MEGF10: variants seen among roughly 807,000 people sequenced by gnomAD.
MEGF10 encodes multiple EGF like domains 10, also known as multiple epidermal growth factor-like domains protein 10.
A neutral mutation model predicts 147.5 loss-of-function variants in MEGF10; 86 were observed. The ratio of observed to expected loss-of-function variants is 0.58; its 90% confidence interval spans 0.49 to 0.70. The LOEUF is 0.70. MEGF10 is among the 30% of genes least tolerant of loss of function. The pLI is 0.00. For missense variants in MEGF10, 1,329 were observed against 1,487.3 expected (o/e 0.89, Z 1.75); for synonymous variants, 478 against 525.5 (o/e 0.91, Z 1.24).
rs1764678355 is a variant in MEGF10 at position 127,414,356 on chromosome 5, A to T, written c.1131-3282A>T. 2.0e-5 allele frequency among the ~76,000 whole-genome samples: 3 copies of T among 151,974 alleles called. No homozygotes were observed. In the South Asian group the frequency reaches 6.2e-4, roughly 32 times the overall value. The stretch of plus-strand genomic sequence containing the variant: ...AGGCCTCTATTTTCTCATTTATAAA[A>T]TGGGATCATACCATCTAGGATGGCT... On this transcript the variant is annotated intron_variant, in intron 9 of 24. Transcript: ENST00000503335.
Position 127,443,186 on chromosome 5 carries a change from C to A in MEGF10, c.2491+60C>A, listed in dbSNP as rs902011450. ...TATTGTGTGAACACCATGTACCAGG[C>A]AATGTGAAGTATTTTCACTTATGTT... is the stretch of plus-strand genomic sequence containing the variant. On this transcript the variant is annotated intron_variant, in intron 19 of 24. Transcript: ENST00000503335. 21 of 1,478,726 alleles carry A rather than the reference C, an allele frequency of 1.4e-5. 1 individual carries two copies. In the African/African-American group the frequency reaches 2.4e-4, roughly 17 times the overall value. 91.6% of individuals were successfully genotyped at this position (1,478,726 alleles called of 1,614,324 possible).
At chr5:127,368,543 G>GT (rs1554094850) in intron 4 of MEGF10, among the ~76,000 whole-genome samples, 1 of 151,988 alleles carries the variant, frequency 6.6e-6, no homozygotes, top group Non-Finnish European at 1.5e-5. Flanking sequence ...GTTTTTCAGG[G>GT]TCTCTCTCTC....
intron 2 of MEGF10, among the ~76,000 whole-genome samples, chr5:127,334,611 C>T (rs182853774): frequency 2.8e-4 from 42 of 152,202 alleles, no homozygotes; most frequent in African/African-American, 9.9e-4. Flanking sequence ...ATTTAAAATA[C>T]TCAAGGGGTG....
At chr5:127,428,238 T>C (rs752318028) in intron 13 of MEGF10, among the ~76,000 whole-genome samples, 4 of 150,340 alleles carry the variant, frequency 2.7e-5, no homozygotes, top group Admixed American at 1.3e-4. Flanking sequence ...TGTTGAACTA[T>C]ATAAAGCAGA....
At chr5:127,311,620 C>T (rs1355966697) in intron 1 of MEGF10, among the ~76,000 whole-genome samples, 1 of 152,182 alleles carries the variant, frequency 6.6e-6, no homozygotes, top group African/African-American at 2.4e-5. Flanking sequence ...TGCACAGTAA[C>T]TTGACTCAGG....
At chr5:127,298,182 G>A (rs774493451) in intron 1 of MEGF10, among the ~76,000 whole-genome samples, 3 of 151,952 alleles carry the variant, frequency 2.0e-5, no homozygotes, top group Non-Finnish European at 1.5e-5. Context: ...CTTTCTCACC[G>A]CCCATCTTTT....
intron 5 of MEGF10, among the ~76,000 whole-genome samples, chr5:127,376,636 G>T (rs905548477): frequency 6.6e-6 from 1 of 152,108 alleles, no homozygotes; most frequent in Non-Finnish European, 1.5e-5. Flanking sequence ...GGGCAGAAGG[G>T]CGGTTACATT....
At chr5:127,230,145 G>A in the MEGF10 span, among the ~76,000 whole-genome samples, 1 of 151,998 alleles carries the variant, frequency 6.6e-6, no homozygotes, top group Non-Finnish European at 1.5e-5. Context: ...ATGGCCATCG[G>A]CAGCAAAAAA....
In MEGF10 at chr5:127,417,493, C is replaced by T. The variant is rs916949841; in HGVS notation, c.1131-145C>T. ...TCAGGTTTCAGCCAATTAATTAAAT[C>T]ATACCAAGCCTGGGAATGAAGTTTG... On this transcript the variant is annotated intron_variant, in intron 9 of 24. Transcript: ENST00000503335. 1.2e-5 allele frequency: 9 copies of T among 781,020 alleles called. No homozygotes were observed. In the Admixed American group the frequency reaches 2.2e-4, roughly 19 times the overall value. The allele number at this position is 781,020 out of a possible 1,614,324, so 48.4% of individuals were successfully genotyped here.
At chr5:127,268,095 G>A in the MEGF10 span, among the ~76,000 whole-genome samples, 1 of 152,128 alleles carries the variant, frequency 6.6e-6, no homozygotes, top group Non-Finnish European at 1.5e-5. Context: ...CTTTAAATGT[G>A]TCCCAGAGAT....
the MEGF10 span, among the ~76,000 whole-genome samples, chr5:127,260,934 C>T: frequency 0.094 from 14,300 of 152,160 alleles, 1,077 homozygotes; most frequent in African/African-American, 0.21. Context: ...TCCTGTAGTT[C>T]CTACAGTAGT....
intron 5 of MEGF10, among the ~76,000 whole-genome samples, chr5:127,383,204 T>C (rs978710810): frequency 2.6e-5 from 4 of 152,206 alleles, no homozygotes; most frequent in East Asian, 1.9e-4. Flanking sequence ...TCTGTGTATA[T>C]GGGAAAAGGT....
chr5:127,378,793 G>C (rs1763134170), intron 5 of MEGF10, among the ~76,000 whole-genome samples: 1 of 151,902 alleles, frequency 6.6e-6, no homozygotes, highest in Admixed American at 6.6e-5. Flanking sequence ...TTTGTCCACA[G>C]TTGCTTGCCA....
At position 127,448,807 on chromosome 5, in the gene MEGF10, T is replaced by C. The variant is rs1042509582; in HGVS notation, c.2857-292T>C. Among the ~76,000 whole-genome samples the C allele has an allele frequency of 5.3e-5, 8 of 150,956 alleles. No individual in the cohort carries two copies. In the South Asian group the frequency reaches 6.3e-4, roughly 12 times the overall value. ...CAAGAGTTCTTTTTTTTTTTTTTTT[T>C]CCAAATCAAAGTTACATGTGTATAA... On this transcript the variant is annotated intron_variant, in intron 21 of 24. Coordinates refer to ENST00000503335, the MANE Select transcript of MEGF10 (RefSeq NM_001256545.2).
At chr5:127,265,045 T>C in the MEGF10 span, among the ~76,000 whole-genome samples, 6,328 of 152,176 alleles carry the variant, frequency 0.042, 164 homozygotes, top group South Asian at 0.095. Context: ...TTAGGTATAT[T>C]TCCTAATGCT....
intron 1 of MEGF10, among the ~76,000 whole-genome samples, chr5:127,313,367 T>C (rs1438698633): frequency 6.6e-6 from 1 of 152,226 alleles, no homozygotes; most frequent in Non-Finnish European, 1.5e-5. Flanking sequence ...GAATTTGTAG[T>C]TGACTAGATT....
At chr5:127,300,229 A>G (rs943685286) in intron 1 of MEGF10, among the ~76,000 whole-genome samples, 10 of 152,106 alleles carry the variant, frequency 6.6e-5, no homozygotes, top group Non-Finnish European at 1.5e-4. Context: ...ATTAATTTTC[A>G]ATTTGTTGCC....
chr5:127,353,556 G>A (rs549051050), intron 4 of MEGF10, among the ~76,000 whole-genome samples: 16 of 152,332 alleles, frequency 1.1e-4, no homozygotes, highest in Non-Finnish European at 1.9e-4. Flanking sequence ...GGCAGAGAAA[G>A]CGAATCATTG....
At chr5:127,399,790 T>C (rs913903034) in intron 7 of MEGF10, among the ~76,000 whole-genome samples, 6 of 152,254 alleles carry the variant, frequency 3.9e-5, no homozygotes, top group African/African-American at 9.6e-5. Flanking sequence ...TTCTTCTGCA[T>C]ACTTCTTCAT....
Sources: gnomAD v4.1 joint callset for allele counts (sites outside exome capture counted in the v4.1 genomes callset) on GRCh38, gnomAD v4.1.1 for gene constraint, MANE v1.5 for transcripts, NCBI Gene and HGNC (gene_info 2026-07-23, HGNC 2026-07-21) for gene names.